The following TNRC6B variants were observed in gnomAD, a reference collection of about 807,000 sequenced individuals.
TNRC6B encodes the protein trinucleotide repeat-containing gene 6B protein.
TNRC6B carries 52 observed loss-of-function variants against 203.6 expected under a neutral mutation model. That is an observed-to-expected ratio of 0.26 (90% CI 0.20 to 0.32). The LOEUF is 0.32. TNRC6B is among the 10% of genes least tolerant of loss of function. The probability of loss-of-function intolerance (pLI) is 1.00; values close to 1 mark genes in which losing one functional copy is unlikely to be tolerated. For synonymous variants in TNRC6B, 838 were observed against 845.7 expected (o/e 0.99, Z 0.16); for missense variants, 1,923 against 2,286.2 (o/e 0.84, Z 3.24).
intron 1 of TNRC6B, among the ~76,000 whole-genome samples, chr22:40,211,982 G>A (rs950768184): frequency 1.7e-4 from 26 of 152,032 alleles, no homozygotes; most frequent in African/African-American, 5.6e-4. Flanking sequence ...TCAAATGTTC[G>A]CTTTTGCAAT....
chr22:40,301,302 A>C lies in TNRC6B; in HGVS notation c.4089A>C (p.Gln1363His). The C allele has an allele frequency of 6.2e-7, 1 of 1,605,894 alleles. No homozygotes were observed. The highest frequency in any genetic ancestry group is 8.5e-7 in the Non-Finnish European group (1 of 1,175,722). The change falls in exon 15 of 23, where the codon CAA becomes CAC. Residue 1363 changes from glutamine (Q) to histidine (H), a missense_variant. Around this residue, in one of 8 missense-constraint regions of TNRC6B, gnomAD observed 242 missense variants for 399.5 expected, o/e 0.61. Transcript: ENST00000454349. ...NALNVGLPDL[Q>H]TKGPIPGYGS... is the part of the protein sequence containing the mutation. ...TGAATGTGGGGCTCCCAGACCTTCA[A>C]ACCAAAGGGCCAATACCTGGATATG...
At chr22:40,149,679 CAAAAAAAA>C (rs58482182) in intron 3 of TNRC6B, among the ~76,000 whole-genome samples, 6 of 84,844 alleles carry the variant, frequency 7.1e-5, no homozygotes, top group Admixed American at 4.5e-4. Context: ...CCTCCCCCGC[CAAAAAAAA>C]AAAAAAAAAA....
At chr22:40,086,895 C>A (rs988290977) in intron 1 of TNRC6B, among the ~76,000 whole-genome samples, 2 of 152,194 alleles carry the variant, frequency 1.3e-5, no homozygotes, top group African/African-American at 4.8e-5. Flanking sequence ...TTTCCAGCTA[C>A]ATAAAAACCA....
intron 1 of TNRC6B, among the ~76,000 whole-genome samples, chr22:40,103,343 C>A (rs73424245): frequency 0.057 from 8,634 of 151,966 alleles, 788 homozygotes; most frequent in African/African-American, 0.19. Context: ...CGTCAACCCA[C>A]AGAGATCCCT....
At chr22:40,189,019 A>C (rs1242782168) in intron 1 of TNRC6B, among the ~76,000 whole-genome samples, 1 of 152,048 alleles carries the variant, frequency 6.6e-6, no homozygotes, top group Non-Finnish European at 1.5e-5. Context: ...TATGATCCCC[A>C]CTTTTGCTGG....
intron 1 of TNRC6B, among the ~76,000 whole-genome samples, chr22:40,178,950 G>C (rs921243701): frequency 6.6e-6 from 1 of 152,172 alleles, no homozygotes; most frequent in African/African-American, 2.4e-5. Flanking sequence ...TTCTCCCTGT[G>C]TATTAGCCTT....
intron 12 of TNRC6B, among the ~76,000 whole-genome samples, chr22:40,292,955 C>T (rs2070888224): frequency 6.6e-6 from 1 of 152,078 alleles, no homozygotes; most frequent in African/African-American, 2.4e-5. Context: ...TTTCATTTTG[C>T]CTTTTTTGCA....
upstream of TNRC6B, among the ~76,000 whole-genome samples, chr22:40,174,037 G>C (rs2069032459): frequency 6.6e-6 from 1 of 150,810 alleles, no homozygotes; most frequent in Non-Finnish European, 1.5e-5. Context: ...GACCTCAGGT[G>C]ATCTGCCTGG....
chr22:40,210,017 C>CAAA (rs34603156), intron 1 of TNRC6B, among the ~76,000 whole-genome samples: 2 of 132,798 alleles, frequency 1.5e-5, no homozygotes, highest in Admixed American at 7.5e-5. Context: ...GACTCTGTCT[C>CAAA]AAAAAAAAAA....
intron 1 of TNRC6B, among the ~76,000 whole-genome samples, chr22:40,079,583 A>ATATATATT (rs538236362): frequency 2.6e-5 from 4 of 151,458 alleles, no homozygotes; most frequent in African/African-American, 9.7e-5. Context: ...ATATATATAT[A>ATATATATT]TTTTTTATGA....
At chr22:40,278,325 C>T (rs530099840) in intron 9 of TNRC6B, among the ~76,000 whole-genome samples, 105 of 151,380 alleles carry the variant, frequency 6.9e-4, no homozygotes, top group African/African-American at 2.5e-3. Context: ...TTTGGGAGAC[C>T]GAGGTGGGTG....
intron 1 of TNRC6B, among the ~76,000 whole-genome samples, chr22:40,214,544 C>A (rs1555890179): frequency 1.1e-5 from 1 of 92,012 alleles, no homozygotes; most frequent in African/African-American, 7.7e-5. Flanking sequence ...TTCTTTCTTT[C>A]TGTGGTTTTT....
intron 12 of TNRC6B, among the ~76,000 whole-genome samples, chr22:40,299,144 C>CAAA (rs1252985941): frequency 6.8e-5 from 3 of 43,894 alleles, no homozygotes; most frequent in Non-Finnish European, 9.8e-5. Flanking sequence ...GACCCTGTCT[C>CAAA]AAAAAAAAAA....
upstream of TNRC6B, among the ~76,000 whole-genome samples, chr22:40,174,742 G>T (rs938287959): frequency 6.6e-6 from 1 of 151,210 alleles, no homozygotes. Context: ...GGAGAATGGC[G>T]TGAACCCGGG....
chr22:40,170,765 A>G (rs191100090), intron 4 of TNRC6B, among the ~76,000 whole-genome samples: 48 of 109,772 alleles, frequency 4.4e-4, no homozygotes, highest in African/African-American at 1.6e-3. Context: ...ATATGTGTGT[A>G]TATATACATA....
intron 22 of TNRC6B, among the ~76,000 whole-genome samples, chr22:40,322,116 G>A (rs971949066): frequency 6.6e-6 from 1 of 152,198 alleles, no homozygotes; most frequent in Admixed American, 6.5e-5. Flanking sequence ...AGGTTGCTTC[G>A]ATGCTTTGGG....
At chr22:40,263,737 T>G (rs1003626146) in intron 4 of TNRC6B, among the ~76,000 whole-genome samples, 3 of 152,218 alleles carry the variant, frequency 2.0e-5, no homozygotes, top group African/African-American at 7.2e-5. Context: ...TTTAACAGAT[T>G]AAGTTCCTTG....
intron 15 of TNRC6B, among the ~76,000 whole-genome samples, chr22:40,303,184 C>T (rs2071048143): frequency 6.6e-6 from 1 of 151,828 alleles, no homozygotes; most frequent in South Asian, 2.1e-4. Flanking sequence ...CACATGCCAC[C>T]ACTCCCAGCT....
chr22:40,209,104 T>C (rs534280967), intron 1 of TNRC6B, among the ~76,000 whole-genome samples: 1 of 152,322 alleles, frequency 6.6e-6, no homozygotes, highest in East Asian at 1.9e-4. Flanking sequence ...AGATGGAAAA[T>C]GTTTCCCACA....
Sources: gnomAD v4.1 joint callset for allele counts (sites outside exome capture counted in the v4.1 genomes callset) on GRCh38, gnomAD v4.1.1 for gene constraint, gnomAD v4.1.1 regional missense constraint, MANE v1.5 for transcripts, NCBI Gene and HGNC (gene_info 2026-07-23, HGNC 2026-07-21) for gene names.